SLIT3: variants seen among roughly 807,000 people sequenced by gnomAD.
SLIT3 encodes the protein slit guidance ligand 3.
In SLIT3, 68 loss-of-function variants were observed where a neutral mutation model predicts 184.0. The observed-to-expected ratio is 0.37, with a 90% CI of 0.30 to 0.45. SLIT3 has a LOEUF of 0.45. Among genes scored for constraint, SLIT3 ranks in the 20% least tolerant of loss-of-function variants. The pLI is 1.00. For missense variants in SLIT3, 1,707 were observed against 2,026.0 expected, an observed-to-expected ratio of 0.84 and a Z score of 3.02; for synonymous variants, 831 against 828.6, an observed-to-expected ratio of 1.00 and a Z score of -0.05.
intron 4 of SLIT3, among the ~76,000 whole-genome samples, chr5:169,161,651 CTTTT>C (rs527835135): frequency 2.1e-5 from 3 of 140,686 alleles, no homozygotes; most frequent in Admixed American, 7.1e-5. Flanking sequence ...ATAAAACAGT[CTTTT>C]TTTTTTTTTT....
intron 4 of SLIT3, among the ~76,000 whole-genome samples, chr5:169,118,655 G>A (rs796870855): frequency 3.3e-5 from 5 of 152,312 alleles, no homozygotes; most frequent in African/African-American, 1.2e-4. Flanking sequence ...GAGGATTTAG[G>A]ACCTTGGCCA....
intron 32 of SLIT3, among the ~76,000 whole-genome samples, chr5:168,682,077 G>A (rs1408597735): frequency 2.0e-5 from 3 of 152,214 alleles, no homozygotes; most frequent in Non-Finnish European, 4.4e-5. Context: ...TCTCCACTTG[G>A]CCAGGACCTG....
intron 4 of SLIT3, among the ~76,000 whole-genome samples, chr5:169,084,463 T>C (rs879717006): frequency 0.025 from 3,448 of 137,174 alleles, 81 homozygotes; most frequent in African/African-American, 0.068. Context: ...GATTTTTTTT[T>C]TTTTTTTTTT....
At chr5:169,047,488 T>G (rs547027937) in intron 4 of SLIT3, among the ~76,000 whole-genome samples, 31 of 151,894 alleles carry the variant, frequency 2.0e-4, no homozygotes, top group African/African-American at 7.5e-4. Context: ...CACGGCAGAC[T>G]GGAGGTTCCA....
At chr5:169,128,693 G>C (rs929903471) in intron 4 of SLIT3, among the ~76,000 whole-genome samples, 3 of 152,168 alleles carry the variant, frequency 2.0e-5, no homozygotes, top group Admixed American at 1.3e-4. Context: ...GCCTCCCAAA[G>C]TGTTGGGATT....
At chr5:169,085,299 T>C (rs976355607) in intron 4 of SLIT3, among the ~76,000 whole-genome samples, 1 of 152,186 alleles carries the variant, frequency 6.6e-6, no homozygotes. Context: ...AATTTCTTTG[T>C]GGAGCAGCCT....
chr5:169,222,235 G>T (rs887775806), intron 3 of SLIT3, among the ~76,000 whole-genome samples: 1 of 152,006 alleles, frequency 6.6e-6, no homozygotes, highest in Non-Finnish European at 1.5e-5. Flanking sequence ...TTACTTAAAT[G>T]TCTGCTATAT....
At chr5:168,699,926 C>T (rs77083393) in intron 27 of SLIT3, among the ~76,000 whole-genome samples, 2 of 152,176 alleles carry the variant, frequency 1.3e-5, no homozygotes, top group African/African-American at 4.8e-5. Context: ...CTGACTTTAG[C>T]CAGCAGCAGA....
At chr5:169,071,696 C>T (rs1479300876) in intron 4 of SLIT3, among the ~76,000 whole-genome samples, 1 of 152,098 alleles carries the variant, frequency 6.6e-6, no homozygotes, top group Non-Finnish European at 1.5e-5. Context: ...GAATCCAAGT[C>T]GTGGTTGCAA....
chr5:169,147,786 C>T (rs1761976210), intron 4 of SLIT3, among the ~76,000 whole-genome samples: 1 of 152,148 alleles, frequency 6.6e-6, no homozygotes, highest in Admixed American at 6.6e-5. Context: ...GCAACCTGCG[C>T]CAGCTGTCAA....
chr5:168,802,043 A>C (rs1038005656), intron 9 of SLIT3, among the ~76,000 whole-genome samples: 1 of 151,992 alleles, frequency 6.6e-6, no homozygotes, highest in Non-Finnish European at 1.5e-5. Flanking sequence ...AAGGATTGAG[A>C]ATAGGGAGTG....
chr5:168,901,447 C>T (rs986454934), intron 4 of SLIT3, among the ~76,000 whole-genome samples: 1 of 152,040 alleles, frequency 6.6e-6, no homozygotes, highest in Non-Finnish European at 1.5e-5. Flanking sequence ...AAAGAATCTC[C>T]ATCCTCAACC....
At chr5:168,681,591 C>G (rs1486173038) in intron 32 of SLIT3, among the ~76,000 whole-genome samples, 2 of 152,184 alleles carry the variant, frequency 1.3e-5, no homozygotes, top group East Asian at 3.8e-4. Flanking sequence ...GGTGTCTCTC[C>G]AGGGCCACCT....
intron 4 of SLIT3, among the ~76,000 whole-genome samples, chr5:169,023,106 GTTA>G (rs1200865892): frequency 6.6e-6 from 1 of 151,922 alleles, no homozygotes; most frequent in African/African-American, 2.4e-5. Flanking sequence ...TCTTAATCAG[GTTA>G]TTATTACACC....
chr5:168,979,072 T>C (rs1281922235), intron 4 of SLIT3, among the ~76,000 whole-genome samples: 1 of 152,170 alleles, frequency 6.6e-6, no homozygotes, highest in Non-Finnish European at 1.5e-5. Flanking sequence ...GTTTCAGAGC[T>C]AGGCCCATAA....
chr5:168,742,725 C>T (rs1417744967), intron 20 of SLIT3, among the ~76,000 whole-genome samples: 3 of 142,304 alleles, frequency 2.1e-5, no homozygotes, highest in Admixed American at 7.3e-5. Context: ...ATTAGCTTTC[C>T]TCCTGGGCAA....
chr5:169,179,604 C>T (rs1763090673), intron 4 of SLIT3, among the ~76,000 whole-genome samples: 1 of 151,570 alleles, frequency 6.6e-6, no homozygotes, highest in Admixed American at 6.6e-5. Context: ...TGGTGGGAGA[C>T]CCACTGTTGG....
intron 4 of SLIT3, among the ~76,000 whole-genome samples, chr5:169,126,498 T>G (rs1761086052): frequency 6.6e-6 from 1 of 152,224 alleles, no homozygotes; most frequent in South Asian, 2.1e-4. Context: ...TGATTCATAG[T>G]CAAGGGACTT....
At chr5:169,256,939 C>T (rs1478438493) in intron 1 of SLIT3, among the ~76,000 whole-genome samples, 1 of 152,010 alleles carries the variant, frequency 6.6e-6, no homozygotes, top group Non-Finnish European at 1.5e-5. Context: ...GGTTACTAAT[C>T]ACAGTAATGA....
Sources: allele counts gnomAD v4.1 joint callset (sites outside exome capture counted in the v4.1 genomes callset), GRCh38; gene constraint gnomAD v4.1.1; transcripts MANE v1.5; gene names NCBI Gene and HGNC (gene_info 2026-07-23, HGNC 2026-07-21).